Variants in NUMB observed in about 807,000 individuals in gnomAD.
NUMB encodes the protein protein numb homolog.
A neutral mutation model predicts 59.7 loss-of-function variants in NUMB; 29 were observed. That is an observed-to-expected ratio of 0.49 (90% confidence interval 0.36 to 0.66). The LOEUF (loss-of-function observed/expected upper bound fraction) is 0.66. NUMB is among the 30% of genes least tolerant of loss of function. The pLI, the probability that NUMB is intolerant of heterozygous loss-of-function variation, is 0.00. For synonymous variants in NUMB, 288 were observed against 288.2 expected (o/e 1.00, Z 0.01); for missense variants, 723 against 822.0 (o/e 0.88, Z 1.47).
chr14:73,278,687 C>T (rs935900784), intron 12 of NUMB, among the ~76,000 whole-genome samples: 18 of 149,402 alleles, frequency 1.2e-4, no homozygotes, highest in East Asian at 5.9e-4. Flanking sequence ...TCACCAAATC[C>T]GGTGATGGAT....
intron 4 of NUMB, among the ~76,000 whole-genome samples, chr14:73,326,755 A>G (rs1200061298): frequency 6.6e-6 from 1 of 152,266 alleles, no homozygotes; most frequent in East Asian, 1.9e-4. Context: ...TTCATTAAAA[A>G]GGAATTAACA....
chr14:73,324,757 A>G (rs1167375497), intron 4 of NUMB, among the ~76,000 whole-genome samples: 1 of 152,244 alleles, frequency 6.6e-6, no homozygotes, highest in Non-Finnish European at 1.5e-5. Flanking sequence ...AAGCTTTCTG[A>G]AAAGTAAACA....
chr14:73,408,796 C>T (rs147318049), intron 2 of NUMB, among the ~76,000 whole-genome samples: 2,523 of 150,066 alleles, frequency 0.017, 42 homozygotes, highest in Non-Finnish European at 0.026. Context: ...AGAATCACTT[C>T]AACCCAGGAG....
chr14:73,294,642 C>G (rs1297153965), intron 7 of NUMB, among the ~76,000 whole-genome samples: 2 of 151,340 alleles, frequency 1.3e-5, no homozygotes, highest in African/African-American at 4.9e-5. Context: ...CTCAGCCTCC[C>G]AAGTAGCTGG....
At chr14:73,432,938 T>C (rs1897893621) in intron 1 of NUMB, among the ~76,000 whole-genome samples, 1 of 152,130 alleles carries the variant, frequency 6.6e-6, no homozygotes, top group Admixed American at 6.6e-5. Context: ...GACATGGTGG[T>C]TCACGCCTGT....
At chr14:73,392,654 A>C (rs908209344) in intron 2 of NUMB, among the ~76,000 whole-genome samples, 1 of 152,228 alleles carries the variant, frequency 6.6e-6, no homozygotes, top group African/African-American at 2.4e-5. Flanking sequence ...CTAGCCACAC[A>C]GTGTCATATA....
intron 8 of NUMB, among the ~76,000 whole-genome samples, chr14:73,291,990 T>G (rs1889432899): frequency 6.6e-6 from 1 of 152,158 alleles, no homozygotes; most frequent in Non-Finnish European, 1.5e-5. Context: ...GGCCGGTATT[T>G]CTGTTTTTAT....
chr14:73,405,038 C>T (rs1896593999), intron 2 of NUMB, among the ~76,000 whole-genome samples: 1 of 152,044 alleles, frequency 6.6e-6, no homozygotes, highest in African/African-American at 2.4e-5. Flanking sequence ...GGATTACAGG[C>T]GTGAGAAAAT....
At chr14:73,289,675 T>C (rs779896791) in intron 8 of NUMB, among the ~76,000 whole-genome samples, 7 of 152,228 alleles carry the variant, frequency 4.6e-5, no homozygotes, top group Non-Finnish European at 7.3e-5. Context: ...TTTTAAACTT[T>C]TTAAAAAAAC....
chr14:73,369,081 G>A (rs376589229), intron 2 of NUMB, among the ~76,000 whole-genome samples: 331 of 146,516 alleles, frequency 2.3e-3, no homozygotes, highest in African/African-American at 7.8e-3. Context: ...TCACACTGTC[G>A]CCCAGGCTGG....
intron 1 of NUMB, among the ~76,000 whole-genome samples, chr14:73,412,102 A>C (rs1001994699): frequency 6.6e-6 from 1 of 151,580 alleles, no homozygotes; most frequent in Non-Finnish European, 1.5e-5. Flanking sequence ...TTTTTAAAAA[A>C]TTTTTTTATA....
intron 1 of NUMB, among the ~76,000 whole-genome samples, chr14:73,432,933 G>C (rs1897893503): frequency 6.6e-6 from 1 of 152,168 alleles, no homozygotes; most frequent in Non-Finnish European, 1.5e-5. Flanking sequence ...GACCAGACAT[G>C]GTGGTTCACG....
chr14:73,289,690 GACT>G (rs776410695), intron 8 of NUMB, among the ~76,000 whole-genome samples: 36 of 152,064 alleles, frequency 2.4e-4, no homozygotes, highest in Non-Finnish European at 3.8e-4. Flanking sequence ...AAAAACTTTT[GACT>G]ACTTATTTAA....
intron 9 of NUMB, chr14:73,286,185 T>C (rs932634705): frequency 3.1e-5 from 4 of 128,112 alleles, no homozygotes; most frequent in African/African-American, 5.9e-5. Context: ...CCACCAAATA[T>C]GGCAATTTTT....
intron 4 of NUMB, among the ~76,000 whole-genome samples, chr14:73,343,807 T>G (rs183101554): frequency 3.8e-4 from 40 of 104,334 alleles, no homozygotes; most frequent in African/African-American, 1.5e-3. Flanking sequence ...TATCAAGTTT[T>G]GAAATACTAT....
chr14:73,402,004 G>A (rs183779027), intron 2 of NUMB, among the ~76,000 whole-genome samples: 36 of 152,236 alleles, frequency 2.4e-4, no homozygotes, highest in Admixed American at 3.3e-4. Context: ...CTAGGACCAC[G>A]TGCACGCACC....
At chr14:73,386,831 AG>A (rs1256542196) in intron 2 of NUMB, among the ~76,000 whole-genome samples, 1 of 151,012 alleles carries the variant, frequency 6.6e-6, no homozygotes, top group East Asian at 1.9e-4. Context: ...AAGAAGGCAA[AG>A]GAAAAATAAT....
At chr14:73,409,521 C>T (rs981918220) in intron 2 of NUMB, 3 of 152,374 alleles carry the variant, frequency 2.0e-5, no homozygotes, top group Admixed American at 6.5e-5. Flanking sequence ...CCCTTCCAGC[C>T]ACCCCACCTC....
intron 5 of NUMB, among the ~76,000 whole-genome samples, chr14:73,319,068 G>A (rs1891248413): frequency 6.6e-6 from 1 of 152,154 alleles, no homozygotes; most frequent in African/African-American, 2.4e-5. Flanking sequence ...AAGGTCAGGA[G>A]TTGGAGATCA....
Sources: allele counts gnomAD v4.1 joint callset (sites outside exome capture counted in the v4.1 genomes callset), GRCh38; gene constraint gnomAD v4.1.1; transcripts MANE v1.5; gene names NCBI Gene and HGNC (gene_info 2026-07-23, HGNC 2026-07-21).